The following CSMD1 variants were observed in gnomAD, a reference collection of about 807,000 sequenced individuals.
CSMD1 encodes the protein CUB and Sushi multiple domains 1.
CSMD1 carries 213 observed loss-of-function variants against 417.5 expected under a neutral mutation model. The ratio of observed to expected loss-of-function variants is 0.51; its 90% CI spans 0.46 to 0.57. CSMD1 has a LOEUF of 0.57. Ranked by LOEUF, CSMD1 falls within the 20% of genes least tolerant of loss-of-function variation. The pLI is 0.00. For synonymous variants in CSMD1, 2,862 were observed against 1,736.8 expected (o/e 1.65, Z -16.11); for missense variants, 6,923 against 4,529.7 (o/e 1.53, Z -15.17).
At chr8:4,293,018 A>C (rs375662385) in intron 3 of CSMD1, among the ~76,000 whole-genome samples, 6 of 152,304 alleles carry the variant, frequency 3.9e-5, no homozygotes, top group Admixed American at 6.5e-5. Flanking sequence ...CAAGGGAGGG[A>C]AAGTGTGGTT....
Position 4,466,151 on chromosome 8 carries a change from G to C in CSMD1, c.303-46086C>G, listed in dbSNP as rs76838800. 9.7e-4 allele frequency among the ~76,000 whole-genome samples: 148 copies of C among 152,254 alleles called. 1 individual carries two copies. In the East Asian group the frequency reaches 0.025, roughly 25 times the overall value. On this transcript the variant is annotated intron_variant, in intron 2 of 69. Coordinates refer to ENST00000635120, the MANE Select transcript of CSMD1 (RefSeq NM_033225.6). The stretch of plus-strand genomic sequence containing the variant: ...TTTTATAAAGAATGAAATATTGTGA[G>C]AGAGTCTTACTCCGTGGTCTTAAGA...
chr8:2,963,148 T>C (rs1803644089), intron 60 of CSMD1, 74 bp downstream of exon 60: 2 of 1,523,272 alleles, frequency 1.3e-6, no homozygotes, highest in African/African-American at 2.7e-5. Flanking sequence ...GATTGTAACC[T>C]TAGGATGTGC....
chr8:3,877,586 G>C (rs548199450), intron 5 of CSMD1, among the ~76,000 whole-genome samples: 1 of 152,174 alleles, frequency 6.6e-6, no homozygotes, highest in African/African-American at 2.4e-5. Flanking sequence ...GGGTTACACT[G>C]TTAGATCTAA....
intron 1 of CSMD1, among the ~76,000 whole-genome samples, chr8:4,687,725 C>G (rs1043095485): frequency 2.0e-5 from 3 of 152,140 alleles, no homozygotes; most frequent in African/African-American, 4.8e-5. Flanking sequence ...CCTCCCCTTT[C>G]CACACTAGGT....
intron 3 of CSMD1, among the ~76,000 whole-genome samples, chr8:4,308,749 CTGTT>C (rs765971391): frequency 6.6e-5 from 10 of 152,130 alleles, no homozygotes; most frequent in East Asian, 1.9e-4. Flanking sequence ...GTAAGACTGG[CTGTT>C]TGAGCGTGAT....
intron 62 of CSMD1, among the ~76,000 whole-genome samples, chr8:2,959,579 A>G (rs1585053032): frequency 6.6e-6 from 1 of 152,178 alleles, no homozygotes; most frequent in Non-Finnish European, 1.5e-5. Flanking sequence ...AGCAGAATAT[A>G]CCGAGCCACT....
In CSMD1 at chr8:3,396,312, G is replaced by A. The variant is rs774181273; in HGVS notation, c.2475C>T (p.Ile825=). The A allele has an allele frequency of 6.8e-6, 11 of 1,607,142 alleles. 1 individual carries two copies. The highest frequency in any genetic ancestry group is 4.5e-5 in the South Asian group (4 of 89,232). ...RDGPASSSPL[I]GEYHGTQAPQ... The stretch of plus-strand genomic sequence containing the variant: ...GTGCCTGGGTGCCGTGGTACTCGCC[G>A]ATCAGTGGGGACGAACTGGCTGGCC... The change falls in exon 17 of 70, where the codon ATC becomes ATT. Residue 825 remains isoleucine, a synonymous_variant. Coordinates refer to ENST00000635120, the MANE Select transcript of CSMD1 (RefSeq NM_033225.6).
intron 1 of CSMD1, among the ~76,000 whole-genome samples, chr8:4,744,273 G>A (rs1810811421): frequency 6.6e-6 from 1 of 152,136 alleles, no homozygotes. Context: ...CTTGAACTTT[G>A]CCTTTTTAAT....
In CSMD1 at chr8:3,253,711, G is replaced by C. The variant is rs1460520592; in HGVS notation, c.4154-23480C>G. 2.6e-5 allele frequency among the ~76,000 whole-genome samples: 4 copies of C among 151,700 alleles called. 1 individual carries two copies. Among genetic ancestry groups the C allele is most frequent in the East Asian group, 3.9e-4 (2 of 5,126 alleles). Reference sequence around the variant, plus strand: ...GGACTTGCTTTATGAATCTTTTTTTGTTTTCTGTTTGCTTGGTAGATCTTC... The same window carrying C: ...GGACTTGCTTTATGAATCTTTTTTTCTTTTCTGTTTGCTTGGTAGATCTTC... On this transcript the variant is annotated intron_variant, in intron 26 of 69. Transcript: ENST00000635120.
At chr8:3,335,347 T>A (rs1009872952) in intron 23 of CSMD1, among the ~76,000 whole-genome samples, 1 of 152,158 alleles carries the variant, frequency 6.6e-6, no homozygotes, top group Admixed American at 6.5e-5. Flanking sequence ...CAGTGGTGTG[T>A]GTCCCAACGA....
Position 3,489,483 on chromosome 8 carries a change from G to C in CSMD1, c.1448+4140C>G, listed in dbSNP as rs140509977. On this transcript the variant is annotated intron_variant, in intron 11 of 69. Transcript: ENST00000635120. Reference sequence around the variant, plus strand: ...CAGAGGGAATCCAGGGAAGGCCATAGCTCTCCATGCAGTTCCTCCACAAAT... The same window carrying C: ...CAGAGGGAATCCAGGGAAGGCCATACCTCTCCATGCAGTTCCTCCACAAAT... 4.4e-3 allele frequency among the ~76,000 whole-genome samples: 674 copies of C among 152,310 alleles called. 8 individuals carry two copies. Among genetic ancestry groups the C allele is most frequent in the African/African-American group, 0.016 (654 of 41,568 alleles).
chr8:4,780,839 G>T (rs1227691329), intron 1 of CSMD1, among the ~76,000 whole-genome samples: 1 of 152,122 alleles, frequency 6.6e-6, no homozygotes, highest in Non-Finnish European at 1.5e-5. Context: ...CCGTTCCTCA[G>T]TTACTCCACT....
At chr8:4,336,315 T>G (rs1056187757) in intron 3 of CSMD1, among the ~76,000 whole-genome samples, 2 of 152,120 alleles carry the variant, frequency 1.3e-5, no homozygotes, top group Non-Finnish European at 1.5e-5. Flanking sequence ...GTAGCCTCTG[T>G]AGAAAGGCAC....
intron 3 of CSMD1, among the ~76,000 whole-genome samples, chr8:4,138,730 C>T (rs1441689223): frequency 2.0e-5 from 3 of 152,060 alleles, no homozygotes; most frequent in African/African-American, 7.2e-5. Context: ...GCCAATTTAA[C>T]TAGAGGAAAA....
chr8:3,884,806 C>T (rs989768432), intron 5 of CSMD1, among the ~76,000 whole-genome samples: 3 of 151,728 alleles, frequency 2.0e-5, no homozygotes, highest in African/African-American at 7.3e-5. Context: ...TTTTGGTACG[C>T]TACGCAAGGA....
chr8:4,111,886 G>C (rs927162103), intron 3 of CSMD1, among the ~76,000 whole-genome samples: 13 of 152,274 alleles, frequency 8.5e-5, no homozygotes, highest in African/African-American at 2.6e-4. Flanking sequence ...ACCTATGTAA[G>C]AAACCTGCAC....
intron 1 of CSMD1, among the ~76,000 whole-genome samples, chr8:4,902,688 TATACGC>T (rs1804966443): frequency 6.6e-6 from 1 of 152,130 alleles, no homozygotes; most frequent in Non-Finnish European, 1.5e-5. Context: ...GAATAGGTGA[TATACGC>T]ACATGATACA....
At chr8:4,248,181 T>G (rs566678526) in intron 3 of CSMD1, among the ~76,000 whole-genome samples, 1 of 152,214 alleles carries the variant, frequency 6.6e-6, no homozygotes, top group African/African-American at 2.4e-5. Flanking sequence ...CTTGAAGCCC[T>G]GGAAATTTCA....
chr8:4,132,262 T>C (rs1018678932), intron 3 of CSMD1, among the ~76,000 whole-genome samples: 3 of 149,728 alleles, frequency 2.0e-5, no homozygotes, highest in African/African-American at 2.5e-5. Flanking sequence ...TGCTGGATTA[T>C]GAAAATTTTA....
Sources: gnomAD v4.1 joint callset for allele counts (sites outside exome capture counted in the v4.1 genomes callset) on GRCh38, gnomAD v4.1.1 for gene constraint, MANE v1.5 for transcripts, NCBI Gene and HGNC (gene_info 2026-07-23, HGNC 2026-07-21) for gene names.